The following CLUAP1 variants were observed in gnomAD, a reference collection of about 807,000 sequenced individuals.
The protein encoded by CLUAP1 is clusterin-associated protein 1.
In CLUAP1, 50 loss-of-function variants were observed where a neutral mutation model predicts 55.0. That is an observed-to-expected ratio of 0.91 (90% CI 0.72 to 1.15). The LOEUF (loss-of-function observed/expected upper bound fraction) is 1.15, where lower values mean the gene tolerates loss of function less well. Ranked by LOEUF, CLUAP1 falls within the 50% of genes most tolerant of loss-of-function variation. The pLI, the probability that CLUAP1 is intolerant of heterozygous loss-of-function variation, is 0.00. For synonymous variants in CLUAP1, 195 were observed against 175.4 expected (o/e 1.11, Z -0.88); for missense variants, 530 against 507.6 (o/e 1.04, Z -0.42).
In CLUAP1 at chr16:3,536,194, A is replaced by T; in HGVS notation, c.1165A>T (p.Ile389Phe). ...GGATGACGATTTGGAAGACGAGAGC[A>T]TTTCTCTCTCACCAACCAAGCCCAA... ...DEDDDLEDES[I>F]SLSPTKPNRR... The change falls in exon 12 of 12, where the codon ATT (isoleucine) becomes TTT (phenylalanine). Residue 389 changes from isoleucine (I) to phenylalanine (F), a missense_variant. Physicochemically the swap from Ile to Phe is conservative, Grantham distance 21. Transcript: ENST00000576634. The T allele has an allele frequency of 6.2e-7, 1 of 1,614,128 alleles. No homozygotes were observed.
At chr16:3,529,051 A>T (rs1185723230) in intron 9 of CLUAP1, among the ~76,000 whole-genome samples, 1 of 151,848 alleles carries the variant, frequency 6.6e-6, no homozygotes, top group Non-Finnish European at 1.5e-5. Flanking sequence ...TCATCCCTCA[A>T]TATCTGCGAA....
intron 9 of CLUAP1, among the ~76,000 whole-genome samples, chr16:3,529,684 TTATTATATATTA>T (rs2038053265): frequency 1.4e-4 from 1 of 6,940 alleles, no homozygotes; most frequent in Non-Finnish European, 2.3e-4. Context: ...ATATTATATA[TTATTATATATTA>T]TATATTATAT....
intron 8 of CLUAP1, among the ~76,000 whole-genome samples, chr16:3,524,066 A>T (rs993028102): frequency 6.7e-6 from 1 of 150,350 alleles, no homozygotes; most frequent in Non-Finnish European, 1.5e-5. Flanking sequence ...TGGGAGGCTT[A>T]GGCAGGAGGA....
chr16:3,515,411 C>T (rs976696602), intron 5 of CLUAP1, 97 bp from the exon 6 acceptor site: 7 of 804,972 alleles, frequency 8.7e-6, no homozygotes, highest in East Asian at 2.9e-5. Context: ...CAATAAACTT[C>T]GGAGAATCAG....
intron 6 of CLUAP1, among the ~76,000 whole-genome samples, chr16:3,517,419 G>C (rs2037750060): frequency 6.6e-6 from 1 of 151,926 alleles, no homozygotes; most frequent in African/African-American, 2.4e-5. Context: ...CAATTCTCGT[G>C]CCTCAACCTC....
chr16:3,515,303 G>C (rs1207357587), intron 5 of CLUAP1: 5 of 424,384 alleles, frequency 1.2e-5, no homozygotes, highest in African/African-American at 1.0e-4. Context: ...TGAAAAGGAG[G>C]ACCTTGAGCT....
chr16:3,515,464 C>G, intron 5 of CLUAP1, 44 bp from the exon 6 acceptor site: 1 of 1,396,688 alleles, frequency 7.2e-7, no homozygotes, highest in Non-Finnish European at 1.0e-6. Context: ...GTTTTGAGAA[C>G]TCCTTTTCTG....
At chr16:3,497,693 G>A (rs1021380046), upstream of CLUAP1, among the ~76,000 whole-genome samples, 8 of 152,096 alleles carry the variant, frequency 5.3e-5, no homozygotes, top group South Asian at 2.1e-4. Context: ...ACATGATCAC[G>A]GCTCACTGCA....
At chr16:3,522,362 C>T (rs2037854981) in intron 7 of CLUAP1, among the ~76,000 whole-genome samples, 2 of 152,238 alleles carry the variant, frequency 1.3e-5, no homozygotes, top group Non-Finnish European at 2.9e-5. Context: ...CGAGGTTTCA[C>T]CATGTTGGCC....
At chr16:3,522,053 T>C (rs2037848628) in intron 7 of CLUAP1, among the ~76,000 whole-genome samples, 1 of 152,106 alleles carries the variant, frequency 6.6e-6, no homozygotes, top group Non-Finnish European at 1.5e-5. Flanking sequence ...AGTGAGACCC[T>C]GTCTCAACAA....
intron 1 of CLUAP1, among the ~76,000 whole-genome samples, chr16:3,503,389 TCCTGA>T (rs1217808857): frequency 6.6e-6 from 1 of 152,200 alleles, no homozygotes; most frequent in Non-Finnish European, 1.5e-5. Flanking sequence ...GGTCTCAATC[TCCTGA>T]CCTTGTGATC....
At chr16:3,506,272 T>G in intron 2 of CLUAP1, 59 bp from the exon 3 acceptor site, 1 of 1,382,524 alleles carries the variant, frequency 7.2e-7, no homozygotes, top group Admixed American at 1.7e-5. Context: ...GCCCACATTC[T>G]CTTTAGTAGA....
intron 11 of CLUAP1, chr16:3,534,125 G>A (rs1225338406): frequency 6.6e-6 from 1 of 152,410 alleles, no homozygotes. Context: ...CGCAGCAGGG[G>A]CAGAGGCAAG....
At chr16:3,516,705 A>C (rs2037735878) in intron 6 of CLUAP1, among the ~76,000 whole-genome samples, 1 of 152,182 alleles carries the variant, frequency 6.6e-6, no homozygotes, top group African/African-American at 2.4e-5. Context: ...TATGTATATA[A>C]ATGTTTTATT....
At chr16:3,500,856 C>CCT, upstream of CLUAP1, 1 of 587,432 alleles carries the variant, frequency 1.7e-6, no homozygotes, top group Non-Finnish European at 3.0e-6. Flanking sequence ...ATCGCCACGC[C>CCT]CTCTGCCCTC....
rs1207511372 is a variant in CLUAP1 at position 3,536,202 on chromosome 16, C to T, written c.1173C>T (p.Leu391=). The T allele has an allele frequency of 6.2e-7, 1 of 1,614,180 alleles. No homozygotes were observed. Among genetic ancestry groups the T allele is most frequent in the South Asian group, 1.1e-5 (1 of 91,082 alleles). The change falls in exon 12 of 12, where the codon CTC becomes CTT. Residue 391 remains leucine, a synonymous_variant. Coordinates refer to ENST00000576634, the MANE Select transcript of CLUAP1 (RefSeq NM_015041.3). ...DDDLEDESIS[L]SPTKPNRRVR... is the part of the protein sequence containing the mutation. ...ATTTGGAAGACGAGAGCATTTCTCT[C>T]TCACCAACCAAGCCCAATCGAAGGG...
At chr16:3,500,722 G>A (rs2037374718), upstream of CLUAP1, among the ~76,000 whole-genome samples, 1 of 152,184 alleles carries the variant, frequency 6.6e-6, no homozygotes, top group Admixed American at 6.5e-5. Flanking sequence ...AATATGGAAA[G>A]CGCCTAGCGC....
In CLUAP1 at chr16:3,530,617, T is replaced by A; in HGVS notation, c.978T>A (p.Ser326Arg). 1 of 1,613,848 alleles carries A rather than the reference T, an allele frequency of 6.2e-7. No individual in the cohort carries two copies. Among genetic ancestry groups the A allele is most frequent in the South Asian group, 1.1e-5 (1 of 91,076 alleles). The part of the protein sequence containing the change: ...IDIQEDDESD[S>R]ELEERRLPKP... ...TCCAGGAGGACGATGAATCCGACAG[T>A]GAGTTGGAAGAAAGGCGGCTGCCCA... The change falls in exon 10 of 12, where the codon AGT becomes AGA. Residue 326 changes from serine (S) to arginine (R), a missense_variant. Ser to Arg is a moderately radical substitution (Grantham distance 110, BLOSUM62 -1). Transcript: ENST00000576634.
At chr16:3,503,409 C>T (rs1048572249) in intron 1 of CLUAP1, among the ~76,000 whole-genome samples, 7 of 152,166 alleles carry the variant, frequency 4.6e-5, no homozygotes, top group Non-Finnish European at 7.3e-5. Flanking sequence ...GTGATCCACT[C>T]GCCTCGGCCT....
Sources: allele counts gnomAD v4.1 joint callset (sites outside exome capture counted in the v4.1 genomes callset), GRCh38; gene constraint gnomAD v4.1.1; transcripts MANE v1.5; gene names NCBI Gene and HGNC (gene_info 2026-07-23, HGNC 2026-07-21).